The following WARS2 variants were observed in gnomAD, a reference collection of about 807,000 sequenced individuals.
WARS2 encodes tryptophanyl tRNA synthetase 2, mitochondrial, also known as tryptophan--tRNA ligase, mitochondrial.
Under a neutral mutation model 36.5 loss-of-function variants are expected in WARS2, and 28 were observed. The observed-to-expected ratio is 0.77, with a 90% CI of 0.57 to 1.05. The LOEUF (loss-of-function observed/expected upper bound fraction) is 1.05. WARS2 is among the 50% of genes least tolerant of loss of function. The probability of loss-of-function intolerance (pLI) is 0.00; values close to 1 mark genes in which losing one functional copy is unlikely to be tolerated. For synonymous variants in WARS2, 174 were observed against 178.4 expected (o/e 0.98, Z 0.20); for missense variants, 435 against 456.8 (o/e 0.95, Z 0.44).
Position 119,082,549 on chromosome 1 carries a change from A to G in WARS2, c.91-5942T>C, listed in dbSNP as rs1652279300. On this transcript the variant is annotated intron_variant, in intron 1 of 5. Transcript: ENST00000235521. ...GGCAGGTGAGTCAGATCTGGATCTG[A>G]GCTCTTGCCACTGGACTCCAAATTC... The G allele has an allele frequency of 6.2e-6, 4 of 647,094 alleles. No homozygotes were observed. The South Asian group carries it at 2.1e-4, about 33-fold the overall frequency. 40.1% of individuals were successfully genotyped at this position (647,094 alleles called of 1,614,324 possible). A position where few individuals can be genotyped will look rare whatever the true frequency, so the allele number is the denominator to read the frequency against.
chr1:119,049,842 A>G (rs1481685681), intron 2 of WARS2, among the ~76,000 whole-genome samples: 1 of 152,206 alleles, frequency 6.6e-6, no homozygotes, highest in Non-Finnish European at 1.5e-5. Flanking sequence ...ATCTACTGCT[A>G]GCACTCCAGT....
At chr1:119,107,286 C>T (rs1557984824) in intron 1 of WARS2, among the ~76,000 whole-genome samples, 1 of 152,084 alleles carries the variant, frequency 6.6e-6, no homozygotes, top group Non-Finnish European at 1.5e-5. Flanking sequence ...TTGTGTTTTG[C>T]AGAGCAGAAG....
rs562627544 is a variant in WARS2 at position 119,040,390 on chromosome 1, C to T, written c.515+1874G>A. Reference sequence around the variant, plus strand: ...TTAAAGTTTATGCTTTTCCATAGCCCTAAACTCAGAGGACTCTTCCATTAC... The same window carrying T: ...TTAAAGTTTATGCTTTTCCATAGCCTTAAACTCAGAGGACTCTTCCATTAC... On this transcript the variant is annotated intron_variant, in intron 4 of 5. Transcript: ENST00000235521. Among the ~76,000 whole-genome samples, 9 of 152,334 alleles carry T rather than the reference C, an allele frequency of 5.9e-5. No individual in the cohort carries two copies. The East Asian group carries it at 1.7e-3, about 29-fold the overall frequency.
chr1:119,116,709 G>A (rs986999915), intron 1 of WARS2, among the ~76,000 whole-genome samples: 1 of 152,168 alleles, frequency 6.6e-6, no homozygotes, highest in African/African-American at 2.4e-5. Context: ...GTAGCAGAAA[G>A]AGCCCTGTAA....
chr1:119,043,748 C>T (rs927532064), intron 3 of WARS2, among the ~76,000 whole-genome samples: 9 of 152,132 alleles, frequency 5.9e-5, no homozygotes, highest in South Asian at 4.1e-4. Context: ...ATAGCCTTTT[C>T]GTATTAGCAT....
intron 4 of WARS2, among the ~76,000 whole-genome samples, chr1:119,034,475 A>T (rs912102613): frequency 3.3e-5 from 5 of 152,200 alleles, no homozygotes; most frequent in Admixed American, 1.3e-4. Flanking sequence ...TCTTGCTGGG[A>T]GGGAGGAATG....
chr1:119,052,057 G>A (rs1649411544), intron 2 of WARS2, among the ~76,000 whole-genome samples: 1 of 151,962 alleles, frequency 6.6e-6, no homozygotes. Flanking sequence ...ACCGCACCCG[G>A]CCCTTGCTGT....
At chr1:119,076,721 A>C in intron 1 of WARS2, 114 bp from the exon 2 acceptor site, 1 of 1,432,054 alleles carries the variant, frequency 7.0e-7, no homozygotes, top group African/African-American at 1.4e-5. Flanking sequence ...ACAATCTGAC[A>C]GTCATCATCA....
intron 1 of WARS2, among the ~76,000 whole-genome samples, chr1:119,080,417 C>A (rs1286868773): frequency 2.0e-5 from 3 of 152,048 alleles, no homozygotes; most frequent in Non-Finnish European, 4.4e-5. Context: ...AGTATTGTGA[C>A]CAGTGGGAAT....
At chr1:119,090,513 T>G (rs1251906410) in intron 1 of WARS2, among the ~76,000 whole-genome samples, 1 of 152,204 alleles carries the variant, frequency 6.6e-6, no homozygotes, top group Non-Finnish European at 1.5e-5. Flanking sequence ...AATGATTTCC[T>G]TTTTGACTTT....
At chr1:119,135,631 A>G (rs1030258370) in intron 1 of WARS2, among the ~76,000 whole-genome samples, 2 of 152,228 alleles carry the variant, frequency 1.3e-5, no homozygotes, top group Non-Finnish European at 2.9e-5. Context: ...AACACATACC[A>G]TGAGACTTTA....
intron 1 of WARS2, among the ~76,000 whole-genome samples, chr1:119,078,302 T>C (rs1443245768): frequency 6.6e-6 from 1 of 152,226 alleles, no homozygotes; most frequent in Non-Finnish European, 1.5e-5. Context: ...AAAAAGACCA[T>C]TATTATACAG....
At chr1:119,127,648 T>C (rs969422181) in intron 1 of WARS2, among the ~76,000 whole-genome samples, 2 of 152,190 alleles carry the variant, frequency 1.3e-5, no homozygotes, top group Admixed American at 6.5e-5. Flanking sequence ...AGAATGATGC[T>C]CAACAGGGTT....
At chr1:119,125,265 G>A (rs1330011168) in intron 1 of WARS2, among the ~76,000 whole-genome samples, 1 of 151,992 alleles carries the variant, frequency 6.6e-6, no homozygotes, top group Admixed American at 6.6e-5. Flanking sequence ...ACCACCTTCA[G>A]GTCTTCCATT....
chr1:119,126,420 G>A (rs1004211021), intron 1 of WARS2: 50 of 350,420 alleles, frequency 1.4e-4, no homozygotes, highest in Non-Finnish European at 9.5e-5. Context: ...GTTCTACATC[G>A]TTACAAATAT....
At chr1:119,133,827 T>C (rs147155463) in intron 1 of WARS2, among the ~76,000 whole-genome samples, 1 of 152,260 alleles carries the variant, frequency 6.6e-6, no homozygotes, top group Non-Finnish European at 1.5e-5. Context: ...ATATTCATCA[T>C]CTTGCAAAAC....
intron 2 of WARS2, among the ~76,000 whole-genome samples, chr1:119,056,142 A>C (rs894285121): frequency 6.9e-6 from 1 of 144,278 alleles, no homozygotes; most frequent in Admixed American, 7.0e-5. Flanking sequence ...CCTTAGCCCC[A>C]CCAAGTAGCT....
At position 119,076,423 on chromosome 1, in the gene WARS2, A is replaced by T; in HGVS notation, c.275T>A (p.Ile92Asn). The change falls in exon 2 of 6, where the codon ATC becomes AAC. Residue 92 changes from isoleucine (I) to asparagine (N), a missense_variant. By Grantham distance (149) the Ile-to-Asn change is moderately radical. Coordinates refer to ENST00000235521, the MANE Select transcript of WARS2 (RefSeq NM_015836.4). ...AAGAAGAACAGCAGTCATGTCCAGGATGCTCTGCCGAAGGACAGCTGGGTC... is the reference window on the plus strand; with the variant it reads ...AAGAAGAACAGCAGTCATGTCCAGGTTGCTCTGCCGAAGGACAGCTGGGTC... ...PQDPAVLRQSILDMTAVLLAC... is the reference protein window; with the variant it reads ...PQDPAVLRQSNLDMTAVLLAC... 1 of 1,614,148 alleles carries T rather than the reference A, an allele frequency of 6.2e-7. No individual in the cohort carries two copies. Among genetic ancestry groups the T allele is most frequent in the African/African-American group, 1.3e-5 (1 of 75,028 alleles).
intron 1 of WARS2, among the ~76,000 whole-genome samples, chr1:119,078,861 A>G (rs781236336): frequency 5.9e-5 from 9 of 152,114 alleles, no homozygotes; most frequent in Non-Finnish European, 1.3e-4. Context: ...GTATCATAGA[A>G]GAAATCTTTC....
Sources: gnomAD v4.1 joint callset for allele counts (sites outside exome capture counted in the v4.1 genomes callset) on GRCh38, gnomAD v4.1.1 for gene constraint, MANE v1.5 for transcripts, NCBI Gene and HGNC (gene_info 2026-07-23, HGNC 2026-07-21) for gene names.